Variants in SRRM3 observed in about 807,000 individuals in gnomAD.
SRRM3 encodes serine/arginine repetitive matrix protein 3.
A neutral mutation model predicts 66.2 loss-of-function variants in SRRM3; 27 were observed. That is an observed-to-expected ratio of 0.41 (90% CI 0.30 to 0.56). SRRM3 has a LOEUF of 0.56. Among genes scored for constraint, SRRM3 ranks in the 20% least tolerant of loss-of-function variants. SRRM3 has a pLI of 0.32. For synonymous variants in SRRM3, 391 were observed against 414.9 expected (o/e 0.94, Z 0.70); for missense variants, 918 against 991.9 (o/e 0.93, Z 1.00).
Position 76,286,069 on chromosome 7 carries a change from TG to T in SRRM3, c.*227del. 1.7e-6 allele frequency: 1 copy of T among 588,462 alleles called. No homozygotes were observed. Among genetic ancestry groups the T allele is most frequent in the Non-Finnish European group, 3.1e-6 (1 of 323,308 alleles). The allele number at this position is 588,462 out of a possible 1,614,324, so 36.5% of individuals were successfully genotyped here. On this transcript the variant is annotated 3_prime_UTR_variant, in exon 15 of 15. Coordinates refer to ENST00000611745, the MANE Select transcript of SRRM3 (RefSeq NM_001110199.3). ...TCTACGGGTGTCCTCTCCCACCTCC[TG>T]TCCACCCACTGTGCCCGGGGAACAA...
At chr7:76,231,224 G>A (rs185362963) in intron 1 of SRRM3, among the ~76,000 whole-genome samples, 81 of 152,198 alleles carry the variant, frequency 5.3e-4, no homozygotes, top group African/African-American at 1.8e-3. Context: ...ATTCCCACCT[G>A]GTGCCTCTCC....
intron 1 of SRRM3, among the ~76,000 whole-genome samples, chr7:76,217,259 A>G (rs1028666964): frequency 4.6e-5 from 7 of 152,194 alleles, no homozygotes; most frequent in African/African-American, 1.7e-4. Flanking sequence ...CAGAAAGAGC[A>G]CGGCTCAAAA....
intron 8 of SRRM3, 111 bp downstream of exon 8, chr7:76,261,692 C>T: frequency 8.2e-7 from 1 of 1,225,134 alleles, no homozygotes; most frequent in Non-Finnish European, 1.2e-6. Context: ...CATCCTTCAG[C>T]TCCAGGGTTC....
At chr7:76,231,181 G>T (rs1179752101) in intron 1 of SRRM3, among the ~76,000 whole-genome samples, 2 of 152,172 alleles carry the variant, frequency 1.3e-5, no homozygotes, top group Non-Finnish European at 2.9e-5. Flanking sequence ...AGTGTGCAAT[G>T]ATTTGGGTCA....
intron 1 of SRRM3, among the ~76,000 whole-genome samples, chr7:76,227,334 C>T (rs912413000): frequency 6.6e-6 from 1 of 152,178 alleles, no homozygotes; most frequent in African/African-American, 2.4e-5. Context: ...CCTGCTTGCC[C>T]CTGCAAACCC....
chr7:76,228,900 A>G (rs1455757238), intron 1 of SRRM3, among the ~76,000 whole-genome samples: 2 of 116,438 alleles, frequency 1.7e-5, no homozygotes, highest in Admixed American at 1.9e-4. Context: ...ATCCCCAGAG[A>G]CTTTTTTTTT....
chr7:76,258,234 G>A (rs1472163476), intron 3 of SRRM3, among the ~76,000 whole-genome samples: 1 of 152,198 alleles, frequency 6.6e-6, no homozygotes, highest in African/African-American at 2.4e-5. Context: ...AGGGGAGGGC[G>A]AGGAGAGGCT....
chr7:76,245,652 T>A (rs538064121), intron 2 of SRRM3, among the ~76,000 whole-genome samples: 1 of 152,336 alleles, frequency 6.6e-6, no homozygotes, highest in South Asian at 2.1e-4. Context: ...TGTTGGGCTA[T>A]CAAACAGTAG....
intron 11 of SRRM3, among the ~76,000 whole-genome samples, chr7:76,275,513 A>AG (rs1258457866): frequency 3.3e-5 from 5 of 151,542 alleles, no homozygotes; most frequent in African/African-American, 1.2e-4. Context: ...AAAAAAAAAA[A>AG]AAAAGAAAAG....
chr7:76,284,643 C>T lies in SRRM3; in HGVS notation c.1734-972C>T, dbSNP rs373253525. Among the ~76,000 whole-genome samples, 527 of 152,282 alleles carry T rather than the reference C, an allele frequency of 3.5e-3. 2 individuals are homozygous for T. The highest frequency in any genetic ancestry group is 6.3e-3 in the Non-Finnish European group (429 of 68,012). ...CCCCAGACAGGTCACACACCCTGCC[C>T]GTAGGCCAGGCCCTCACACCTTCCA... On this transcript the variant is annotated intron_variant, in intron 14 of 14. Coordinates refer to ENST00000611745, the MANE Select transcript of SRRM3 (RefSeq NM_001110199.3).
intron 1 of SRRM3, among the ~76,000 whole-genome samples, chr7:76,218,120 A>G (rs184679797): frequency 6.6e-6 from 1 of 152,256 alleles, no homozygotes; most frequent in East Asian, 1.9e-4. Flanking sequence ...GTGAGCCTGG[A>G]GCGGGGGTTG....
intron 2 of SRRM3, among the ~76,000 whole-genome samples, chr7:76,244,571 G>A (rs1801391518): frequency 6.7e-6 from 1 of 149,464 alleles, no homozygotes; most frequent in Admixed American, 6.7e-5. Flanking sequence ...AGTAGGTGAT[G>A]CTTCTTACCC....
intron 2 of SRRM3, among the ~76,000 whole-genome samples, chr7:76,245,980 G>A (rs1801431237): frequency 6.6e-6 from 1 of 152,008 alleles, no homozygotes; most frequent in Admixed American, 6.6e-5. Context: ...TTACAGATGT[G>A]AGCCACTGCA....
At chr7:76,267,074 A>C (rs1802078954) in intron 10 of SRRM3, among the ~76,000 whole-genome samples, 184 bp from the exon 11 acceptor site, 1 of 152,186 alleles carries the variant, frequency 6.6e-6, no homozygotes, top group African/African-American at 2.4e-5. Flanking sequence ...AAATCGAGGC[A>C]CAGCCTCGCT....
At chr7:76,240,888 T>C (rs1481238682) in intron 2 of SRRM3, among the ~76,000 whole-genome samples, 1 of 150,312 alleles carries the variant, frequency 6.7e-6, no homozygotes, top group Non-Finnish European at 1.5e-5. Context: ...GCCCTTGACG[T>C]TGTTTTTTTG....
chr7:76,248,253 G>GAGT lies in SRRM3; in HGVS notation c.300_302dup (p.Val101dup). ...CGGCAGATGCTGATGGAGAAGGAGG[G>GAGT]AGTGCTCACCAGGGAGGACCGGCCT... On this transcript the variant is annotated inframe_insertion, in exon 3 of 15. Coordinates refer to ENST00000611745, the MANE Select transcript of SRRM3 (RefSeq NM_001110199.3). The GAGT allele has an allele frequency of 6.2e-7, 1 of 1,613,866 alleles. No homozygotes were observed. The highest frequency in any genetic ancestry group is 8.5e-7 in the Non-Finnish European group (1 of 1,179,850).
Position 76,286,172 on chromosome 7 carries a change from G to T in SRRM3, c.*329G>T. 2.4e-6 allele frequency: 1 copy of T among 425,480 alleles called. No individual in the cohort carries two copies. The highest frequency in any genetic ancestry group is 4.4e-6 in the Non-Finnish European group (1 of 225,174). 26.4% of individuals were successfully genotyped at this position (425,480 alleles called of 1,614,324 possible). Reference sequence around the variant, plus strand: ...ACTCACCAGGCTTGGGACTGCTGCCGGTGGATGGTACCAGAGTCCATGATC... The same window carrying T: ...ACTCACCAGGCTTGGGACTGCTGCCTGTGGATGGTACCAGAGTCCATGATC... On this transcript the variant is annotated 3_prime_UTR_variant, in exon 15 of 15. Coordinates refer to ENST00000611745, the MANE Select transcript of SRRM3 (RefSeq NM_001110199.3).
intron 8 of SRRM3, 142 bp from the exon 9 acceptor site, chr7:76,264,623 G>T: frequency 1.3e-6 from 1 of 782,188 alleles, no homozygotes; most frequent in South Asian, 1.9e-5. Flanking sequence ...GGAGTAGGAT[G>T]GAAAAGTCCC....
chr7:76,266,653 T>A (rs1181286205), intron 10 of SRRM3, among the ~76,000 whole-genome samples: 2 of 132,478 alleles, frequency 1.5e-5, no homozygotes, highest in Non-Finnish European at 1.5e-5. Context: ...ATATATTATA[T>A]ATATTATTAT....
Sources: gnomAD v4.1 joint callset for allele counts (sites outside exome capture counted in the v4.1 genomes callset) on GRCh38, gnomAD v4.1.1 for gene constraint, MANE v1.5 for transcripts, NCBI Gene and HGNC (gene_info 2026-07-23, HGNC 2026-07-21) for gene names.